Variants in TOLLIP observed in about 807,000 individuals in gnomAD.
The protein encoded by TOLLIP is toll interacting protein, also known as toll-interacting protein.
Under a neutral mutation model 33.5 loss-of-function variants are expected in TOLLIP, and 16 were observed. The observed-to-expected ratio is 0.48, with a 90% confidence interval of 0.32 to 0.72. TOLLIP has a LOEUF of 0.72. Among genes scored for constraint, TOLLIP ranks in the 30% least tolerant of loss-of-function variants. TOLLIP has a pLI of 0.03. For missense variants in TOLLIP, 325 were observed against 396.6 expected (o/e 0.82, Z 1.53); for synonymous variants, 176 against 163.7 (o/e 1.07, Z -0.57).
chr11:1,306,117 T>C (rs1864416670), intron 1 of TOLLIP: 1 of 152,234 alleles, frequency 6.6e-6, no homozygotes. Context: ...AAAGGTTATC[T>C]TTCCAAAATA....
At chr11:1,306,838 C>T (rs781782582) in intron 1 of TOLLIP, among the ~76,000 whole-genome samples, 1 of 152,086 alleles carries the variant, frequency 6.6e-6, no homozygotes, top group Non-Finnish European at 1.5e-5. Context: ...GGGCTCCCTC[C>T]TCTCCACCTC....
rs900582183 is a variant in TOLLIP, at chr11:1,275,742, T to A, written c.*1297A>T. ...TAGCTGGCACTGAAACTTAACCTAT[T>A]TTTTTGAGGGAGAAAAAGACTAAAA... On this transcript the variant is annotated 3_prime_UTR_variant, in exon 6 of 6. Coordinates refer to ENST00000317204, the MANE Select transcript of TOLLIP (RefSeq NM_019009.4). 2 of 152,134 alleles carry A rather than the reference T, an allele frequency of 1.3e-5. No homozygotes were observed. The highest frequency in any genetic ancestry group is 1.3e-4 in the Admixed American group (2 of 15,268). The allele number at this position is 152,134 out of a possible 1,614,324, so 9.4% of individuals were successfully genotyped here. A position where few individuals can be genotyped will look rare whatever the true frequency, so the allele number is the denominator to read the frequency against.
chr11:1,290,776 G>A lies in TOLLIP; in HGVS notation c.184-367C>T. On this transcript the variant is annotated intron_variant, in intron 2 of 5. Coordinates refer to ENST00000317204, the MANE Select transcript of TOLLIP (RefSeq NM_019009.4). This position sits in a 1 kb window ranked among gnomAD's most constrained non-coding sequence, Gnocchi z 4.9. Reference sequence around the variant, plus strand: ...GGAGGAGGTCCCGGGACAGAGCTGAGAGCCAGAGCATGACATGGAGTGTGA... The same window carrying A: ...GGAGGAGGTCCCGGGACAGAGCTGAAAGCCAGAGCATGACATGGAGTGTGA... 4.8e-6 allele frequency: 1 copy of A among 208,530 alleles called. No homozygotes were observed. Among genetic ancestry groups the A allele is most frequent in the Non-Finnish European group, 9.8e-6 (1 of 102,250 alleles). The allele number at this position is 208,530 out of a possible 1,614,324, so 12.9% of individuals were successfully genotyped here.
At position 1,303,455 on chromosome 11, in the gene TOLLIP, C is replaced by G. The variant is rs1456379454; in HGVS notation, c.33+6011G>C. On this transcript the variant is annotated intron_variant, in intron 1 of 5. Coordinates refer to ENST00000317204, the MANE Select transcript of TOLLIP (RefSeq NM_019009.4). The surrounding 1 kb of genome is among the most constrained non-coding windows in gnomAD (Gnocchi z 4.2). ...TCCATGGTGAGGTGCTGGGGCACCCCTGCTCCTGGGATGCTTACACGTGAG... is the reference window on the plus strand; with the variant it reads ...TCCATGGTGAGGTGCTGGGGCACCCGTGCTCCTGGGATGCTTACACGTGAG... Among the ~76,000 whole-genome samples, 2 of 152,226 alleles carry G rather than the reference C, an allele frequency of 1.3e-5. No homozygotes were observed. The highest frequency in any genetic ancestry group is 2.9e-5 in the Non-Finnish European group (2 of 68,038).
chr11:1,309,495 C>T lies in TOLLIP; in HGVS notation c.4G>A (p.Ala2Thr). The T allele has an allele frequency of 7.5e-7, 1 of 1,338,740 alleles. No individual in the cohort carries two copies. The highest frequency in any genetic ancestry group is 9.6e-7 in the Non-Finnish European group (1 of 1,038,228). The allele number at this position is 1,338,740 out of a possible 1,614,324, so 82.9% of individuals were successfully genotyped here. Residue 2 changes from alanine to threonine, a missense_variant, in exon 1 of 6, where the codon GCG becomes ACG. Transcript: ENST00000317204. ...CCGCGCTGAGTGCTGACGGTGGTCGCCATGGTGCTGCGGCGGCCCCCGTGG... is the reference window on the plus strand; with the variant it reads ...CCGCGCTGAGTGCTGACGGTGGTCGTCATGGTGCTGCGGCGGCCCCCGTGG... M[A>T]TTVSTQRGPV...
intron 2 of TOLLIP, 183 bp downstream of exon 2, chr11:1,295,462 C>G: frequency 1.4e-6 from 1 of 722,028 alleles, no homozygotes; most frequent in South Asian, 2.5e-5. Flanking sequence ...TTGGTAGAAC[C>G]CGGGGTCAAT....
At chr11:1,307,175 C>T (rs1393243045) in intron 1 of TOLLIP, among the ~76,000 whole-genome samples, 2 of 152,202 alleles carry the variant, frequency 1.3e-5, no homozygotes, top group African/African-American at 2.4e-5. Context: ...CCAAGCAACA[C>T]CTGAGACCCC....
At position 1,278,061 on chromosome 11, in the gene TOLLIP, C is replaced by G. The variant is rs1018567464; in HGVS notation, c.611-808G>C. Among the ~76,000 whole-genome samples, 1 of 152,178 alleles carries G rather than the reference C, an allele frequency of 6.6e-6. No individual in the cohort carries two copies. The highest frequency in any genetic ancestry group is 1.5e-5 in the Non-Finnish European group (1 of 68,038). ...TGCAATCTATCGAGCAGGAGACGCA[C>G]GGCGGTTCAGCCACTGCAGCACACA... On this transcript the variant is annotated intron_variant, in intron 5 of 5. Transcript: ENST00000317204. This position sits in a 1 kb window ranked among gnomAD's most constrained non-coding sequence, Gnocchi z 4.7.
chr11:1,309,616 A>C lies in TOLLIP; in HGVS notation c.-118T>G. ...GTCACCTCGAGGCCGCCGCCGCCAC[A>C]GTCAGCTGACAGCCGCCGCGCCCCG... is the stretch of plus-strand genomic sequence containing the variant. On this transcript the variant is annotated 5_prime_UTR_variant, in exon 1 of 6. Coordinates refer to ENST00000317204, the MANE Select transcript of TOLLIP (RefSeq NM_019009.4). The C allele has an allele frequency of 2.6e-6, 1 of 390,788 alleles. No homozygotes were observed. Among genetic ancestry groups the C allele is most frequent in the Non-Finnish European group, 4.3e-6 (1 of 234,620 alleles). 24.2% of individuals were successfully genotyped at this position (390,788 alleles called of 1,614,324 possible).
chr11:1,286,532 C>G (rs942862760), intron 4 of TOLLIP, among the ~76,000 whole-genome samples: 1 of 152,108 alleles, frequency 6.6e-6, no homozygotes, highest in Non-Finnish European at 1.5e-5. Context: ...CCACTGTCAC[C>G]TCTGAGTTCA....
rs1378528584 is a variant in TOLLIP at position 1,277,153 on chromosome 11, G to C, written c.711C>G (p.Ile237Met). 1.2e-6 allele frequency: 2 copies of C among 1,613,570 alleles called. No individual in the cohort carries two copies. The highest frequency in any genetic ancestry group is 1.7e-6 in the Non-Finnish European group (2 of 1,179,532). ...GGTCCATGTTGGGGAACATGTCCTGGATGGCTTTCAGGTCCTCCTCGCTAC... is the reference window on the plus strand; with the variant it reads ...GGTCCATGTTGGGGAACATGTCCTGCATGGCTTTCAGGTCCTCCTCGCTAC... ...PRCSEEDLKA[I>M]QDMFPNMDQE... Residue 237 changes from isoleucine to methionine, a missense_variant, in exon 6 of 6, where the codon ATC (isoleucine) becomes ATG (methionine). Physicochemically the swap from Ile to Met is conservative, Grantham distance 10. Coordinates refer to ENST00000317204, the MANE Select transcript of TOLLIP (RefSeq NM_019009.4). The surrounding 1 kb of genome is among the most constrained non-coding windows in gnomAD (Gnocchi z 4.2).
rs952534352 is a variant in TOLLIP, at chr11:1,277,834, C to G, written c.611-581G>C. ...ACTGAAGACCTCAGCAAAGCTGCAG[C>G]CGATGCCCAGAATGACAACCCCACA... On this transcript the variant is annotated intron_variant, in intron 5 of 5. Coordinates refer to ENST00000317204, the MANE Select transcript of TOLLIP (RefSeq NM_019009.4). This position sits in a 1 kb window ranked among gnomAD's most constrained non-coding sequence, Gnocchi z 4.2. 6.6e-6 allele frequency among the ~76,000 whole-genome samples: 1 copy of G among 152,208 alleles called. No homozygotes were observed. The highest frequency in any genetic ancestry group is 2.1e-4 in the South Asian group (1 of 4,836).
intron 5 of TOLLIP, among the ~76,000 whole-genome samples, chr11:1,282,803 A>AAATG (rs1390837412): frequency 4.3e-4 from 65 of 151,184 alleles, no homozygotes; most frequent in Admixed American, 2.0e-3. Flanking sequence ...ATAAATAAAT[A>AAATG]AAATAGGAAA....
intron 1 of TOLLIP, among the ~76,000 whole-genome samples, chr11:1,299,633 C>T (rs999125518): frequency 5.3e-5 from 8 of 152,114 alleles, no homozygotes; most frequent in African/African-American, 1.9e-4. Context: ...ATGATTACTC[C>T]CGATACATAA....
At chr11:1,308,344 T>C (rs1056985732) in intron 1 of TOLLIP, among the ~76,000 whole-genome samples, 2 of 152,236 alleles carry the variant, frequency 1.3e-5, no homozygotes, top group African/African-American at 4.8e-5. Context: ...GCTTTCGCCA[T>C]GTGACGTGTA....
intron 5 of TOLLIP, chr11:1,283,476 TG>T (rs3838783): frequency 0.58 from 257,364 of 443,380 alleles, 75,701 homozygotes; most frequent in African/African-American, 0.66. Context: ...TGCCTGGGCA[TG>T]GGGGCTGGGG....
chr11:1,295,587 T>A lies in TOLLIP; in HGVS notation c.183+58A>T. On this transcript the variant is annotated intron_variant, in intron 2 of 5. Transcript: ENST00000317204. ...GCAGTATAAACGCCGAAATCCGAAA[T>A]CCCACCCCCACCGAGCGCACCAGCC... 2.1e-6 allele frequency: 3 copies of A among 1,436,308 alleles called. No homozygotes were observed. In the South Asian group the frequency reaches 4.7e-5, roughly 22 times the overall value. The allele number at this position is 1,436,308 out of a possible 1,614,324, so 89.0% of individuals were successfully genotyped here.
At chr11:1,286,177 C>T in intron 4 of TOLLIP, 85 bp from the exon 5 acceptor site, 4 of 1,036,778 alleles carry the variant, frequency 3.9e-6, no homozygotes, top group Admixed American at 4.2e-5. Flanking sequence ...CACAATTGCC[C>T]TCCCCACGCC....
chr11:1,291,635 G>A (rs1161478474), intron 2 of TOLLIP, among the ~76,000 whole-genome samples: 6 of 138,610 alleles, frequency 4.3e-5, no homozygotes, highest in East Asian at 2.3e-4. Context: ...TGTTCTCACC[G>A]CACCCCTCTG....
Sources: allele counts gnomAD v4.1 joint callset (sites outside exome capture counted in the v4.1 genomes callset), GRCh38; gene constraint gnomAD v4.1.1; non-coding constraint Gnocchi (gnomAD v3.1); transcripts MANE v1.5; gene names NCBI Gene and HGNC (gene_info 2026-07-23, HGNC 2026-07-21).